The following UBE2R2 variants were observed in gnomAD, a reference collection of about 807,000 sequenced individuals.
The protein encoded by UBE2R2 is ubiquitin conjugating enzyme E2 R2.
A neutral mutation model predicts 27.8 loss-of-function variants in UBE2R2; 1 was observed. That is an observed-to-expected ratio of 0.04 (90% CI 0.01 to 0.17). The LOEUF (loss-of-function observed/expected upper bound fraction) is 0.17, where lower values mean the gene tolerates loss of function less well. Among genes scored for constraint, UBE2R2 ranks in the 10% least tolerant of loss-of-function variants. The pLI is 1.00. For synonymous variants in UBE2R2, 106 were observed against 113.3 expected (o/e 0.94, Z 0.41); for missense variants, 100 against 291.0 (o/e 0.34, Z 4.78).
intron 1 of UBE2R2, among the ~76,000 whole-genome samples, chr9:33,883,861 T>G (rs898846763): frequency 6.6e-6 from 1 of 151,744 alleles, no homozygotes; most frequent in African/African-American, 2.4e-5. Flanking sequence ...TTAAATTTAG[T>G]CATCAAAAGG....
intron 1 of UBE2R2, among the ~76,000 whole-genome samples, chr9:33,867,141 G>A (rs1218447575): frequency 6.6e-6 from 1 of 151,948 alleles, no homozygotes; most frequent in Non-Finnish European, 1.5e-5. Context: ...GCCCGCCTCG[G>A]CCTCCAAAAG....
chr9:33,904,828 G>C (rs947147261), intron 3 of UBE2R2, among the ~76,000 whole-genome samples: 1 of 152,188 alleles, frequency 6.6e-6, no homozygotes, highest in Non-Finnish European at 1.5e-5. Context: ...AGGTGGTGGG[G>C]AGAGTTTCTT....
rs572687398 is a variant in UBE2R2 at position 33,868,158 on chromosome 9, C to T, written c.178-18723C>T. 5.3e-5 allele frequency among the ~76,000 whole-genome samples: 8 copies of T among 152,262 alleles called. No homozygotes were observed. The South Asian group carries it at 8.3e-4, about 16-fold the overall frequency. On this transcript the variant is annotated intron_variant, in intron 1 of 4. Transcript: ENST00000263228. ...TCTCTGGCAGGCCCCTCTCCGAAGC[C>T]GCACTGTCTGAAGATAGCCGAATTT... is the stretch of plus-strand genomic sequence containing the variant.
At chr9:33,843,602 C>A (rs1283514137) in intron 1 of UBE2R2, among the ~76,000 whole-genome samples, 1 of 150,052 alleles carries the variant, frequency 6.7e-6, no homozygotes, top group South Asian at 2.1e-4. Flanking sequence ...CCTCAGCCCC[C>A]CTAGTAGCTG....
intron 2 of UBE2R2, among the ~76,000 whole-genome samples, chr9:33,894,140 C>T (rs1203779987): frequency 6.6e-6 from 1 of 151,968 alleles, no homozygotes; most frequent in African/African-American, 2.4e-5. Context: ...TTTTCCTTTT[C>T]TTTAAAAAAG....
chr9:33,828,978 G>A (rs1398267294), intron 1 of UBE2R2, among the ~76,000 whole-genome samples: 1 of 151,860 alleles, frequency 6.6e-6, no homozygotes, highest in Admixed American at 6.6e-5. Flanking sequence ...CAGGTGATCT[G>A]CCTGCCTCAG....
intron 3 of UBE2R2, among the ~76,000 whole-genome samples, chr9:33,902,273 C>T (rs1822261033): frequency 6.6e-6 from 1 of 152,138 alleles, no homozygotes; most frequent in South Asian, 2.1e-4. Context: ...TGGTCTGAAA[C>T]CCATGGGCTC....
At chr9:33,863,300 C>G (rs901233365) in intron 1 of UBE2R2, among the ~76,000 whole-genome samples, 1 of 151,572 alleles carries the variant, frequency 6.6e-6, no homozygotes, top group African/African-American at 2.4e-5. Context: ...AGGGCAGATT[C>G]ATCACCTGAG....
upstream of UBE2R2, among the ~76,000 whole-genome samples, chr9:33,815,223 G>A (rs1053017605): frequency 2.0e-5 from 3 of 152,178 alleles, no homozygotes; most frequent in Admixed American, 6.5e-5. Context: ...GGAATCTACA[G>A]AAACAGGAAA....
intron 4 of UBE2R2, among the ~76,000 whole-genome samples, chr9:33,914,188 A>T (rs1295857244): frequency 2.0e-5 from 3 of 152,210 alleles, no homozygotes; most frequent in Non-Finnish European, 4.4e-5. Flanking sequence ...ACAAATGACC[A>T]TGTAGTATTA....
intron 1 of UBE2R2, among the ~76,000 whole-genome samples, chr9:33,854,561 A>G (rs759674087): frequency 1.4e-4 from 21 of 151,928 alleles, no homozygotes; most frequent in Non-Finnish European, 2.6e-4. Flanking sequence ...ACTTTACGTG[A>G]TCCGCCTGCT....
At position 33,830,076 on chromosome 9, in the gene UBE2R2, C is replaced by T. The variant is rs996460251; in HGVS notation, c.177+12142C>T. On this transcript the variant is annotated intron_variant, in intron 1 of 4. Coordinates refer to ENST00000263228, the MANE Select transcript of UBE2R2 (RefSeq NM_017811.4). ...CCTCCCAAAGTGCTAGGATTACAGGCGTGAGCCACCGCGCCCAGCCTAATC... is the reference window on the plus strand; with the variant it reads ...CCTCCCAAAGTGCTAGGATTACAGGTGTGAGCCACCGCGCCCAGCCTAATC... 6.6e-5 allele frequency among the ~76,000 whole-genome samples: 10 copies of T among 151,790 alleles called. No individual in the cohort carries two copies. The East Asian group carries it at 7.8e-4, about 12-fold the overall frequency.
At position 33,877,115 on chromosome 9, in the gene UBE2R2, C is replaced by CT. The variant is rs201155973; in HGVS notation, c.178-9764dup. The stretch of plus-strand genomic sequence containing the variant: ...GCTGGACAACAGAGCGAAACTCCAT[C>CT]TTAAAAAAAAAAACTACTTCTAGAA... On this transcript the variant is annotated intron_variant, in intron 1 of 4. Transcript: ENST00000263228. Among the ~76,000 whole-genome samples, 243 of 148,630 alleles carry CT rather than the reference C, an allele frequency of 1.6e-3. 1 individual carries two copies. The highest frequency in any genetic ancestry group is 2.9e-3 in the Non-Finnish European group (198 of 67,312).
At chr9:33,914,107 C>A (rs535612362) in intron 4 of UBE2R2, among the ~76,000 whole-genome samples, 1 of 152,288 alleles carries the variant, frequency 6.6e-6, no homozygotes, top group African/African-American at 2.4e-5. Context: ...CACTAAGCAA[C>A]AGCTTTGTGT....
chr9:33,826,162 A>T (rs909202043), intron 1 of UBE2R2, among the ~76,000 whole-genome samples: 3 of 151,828 alleles, frequency 2.0e-5, no homozygotes, highest in Non-Finnish European at 4.4e-5. Flanking sequence ...AAAAAAAAAA[A>T]TCCTACAGAG....
intron 2 of UBE2R2, among the ~76,000 whole-genome samples, chr9:33,890,440 G>T (rs756791655): frequency 1.3e-5 from 2 of 151,974 alleles, no homozygotes; most frequent in African/African-American, 4.8e-5. Context: ...GGTGGCACGC[G>T]CCTGTAATCC....
intron 1 of UBE2R2, among the ~76,000 whole-genome samples, chr9:33,870,065 T>TTGAAGTCC (rs1821454315): frequency 6.6e-6 from 1 of 152,210 alleles, no homozygotes; most frequent in Admixed American, 6.6e-5. Context: ...CAGTCTGGTC[T>TTGAAGTCC]TGAAGTCCTG....
chr9:33,897,363 G>GCAACA (rs1822137329), intron 2 of UBE2R2, among the ~76,000 whole-genome samples: 1 of 149,158 alleles, frequency 6.7e-6, no homozygotes, highest in Non-Finnish European at 1.5e-5. Context: ...TGTTGCCCAG[G>GCAACA]CTGGAGTACA....
chr9:33,881,143 CTTT>C (rs1427921870), intron 1 of UBE2R2, among the ~76,000 whole-genome samples: 2 of 152,146 alleles, frequency 1.3e-5, no homozygotes, highest in African/African-American at 2.4e-5. Flanking sequence ...ATTATGTCTT[CTTT>C]GTGAATTGAT....
Sources: allele counts gnomAD v4.1 joint callset (sites outside exome capture counted in the v4.1 genomes callset), GRCh38; gene constraint gnomAD v4.1.1; transcripts MANE v1.5; gene names NCBI Gene and HGNC (gene_info 2026-07-23, HGNC 2026-07-21).